PCM1: variants seen among roughly 807,000 people sequenced by gnomAD.
The protein encoded by PCM1 is pericentriolar material 1, also known as pericentriolar material 1 protein.
Under a neutral mutation model 241.9 loss-of-function variants are expected in PCM1, and 157 were observed. The observed-to-expected ratio is 0.65, with a 90% CI of 0.57 to 0.74. The LOEUF is 0.74. Among genes scored for constraint, PCM1 ranks in the 30% least tolerant of loss-of-function variants. The pLI, the probability that PCM1 is intolerant of heterozygous loss-of-function variation, is 0.00. For synonymous variants in PCM1, 1,085 were observed against 784.9 expected (o/e 1.38, Z -6.39); for missense variants, 3,478 against 2,360.1 (o/e 1.47, Z -9.81).
chr8:17,999,962 G>A (rs1203370141), intron 29 of PCM1, among the ~76,000 whole-genome samples: 2 of 152,138 alleles, frequency 1.3e-5, no homozygotes, highest in Non-Finnish European at 2.9e-5. Context: ...ATGCTAGAGT[G>A]GGAATACACT....
At position 17,972,409 on chromosome 8, in the gene PCM1, C is replaced by T. The variant is rs781532486; in HGVS notation, c.3665C>T (p.Pro1222Leu). ...LYEQEGEVEK[P>L]FIKTGFSVSV... ...GAACAAGAAGGTGAAGTAGAGAAAC[C>T]ATTTATCAAGACTGGATTTTCAGTG... The change falls in exon 23 of 39, where the codon CCA (proline) becomes CTA (leucine). Residue 1222 changes from proline to leucine, a missense_variant. Physicochemically the swap from Pro to Leu is moderately conservative, Grantham distance 98 (BLOSUM62 -3). Transcript: ENST00000325083. 1 of 1,609,956 alleles carries T rather than the reference C, an allele frequency of 6.2e-7. No individual in the cohort carries two copies. Among genetic ancestry groups the T allele is most frequent in the Non-Finnish European group, 8.5e-7 (1 of 1,177,572 alleles).
At chr8:18,023,480 T>A (rs2093923543) in intron 36 of PCM1, among the ~76,000 whole-genome samples, 1 of 152,202 alleles carries the variant, frequency 6.6e-6, no homozygotes, top group African/African-American at 2.4e-5. Context: ...AGCAATACAA[T>A]CTGAGATGAG....
intron 23 of PCM1, among the ~76,000 whole-genome samples, chr8:17,976,302 G>A (rs796722761): frequency 1.1e-4 from 17 of 152,344 alleles, no homozygotes; most frequent in African/African-American, 4.1e-4. Context: ...AATAAAAGGG[G>A]CTAGCTAACG....
chr8:17,953,243 C>T, intron 9 of PCM1, 57 bp downstream of exon 9: 1 of 800,850 alleles, frequency 1.2e-6, no homozygotes, highest in Middle Eastern at 2.6e-4. Context: ...TATATACTGT[C>T]ACATAATAAA....
intron 30 of PCM1, among the ~76,000 whole-genome samples, chr8:18,007,384 T>G (rs960775658): frequency 1.3e-5 from 2 of 152,232 alleles, no homozygotes; most frequent in African/African-American, 4.8e-5. Context: ...CTGGCCCCGT[T>G]AGCAGTTATT....
intron 36 of PCM1, among the ~76,000 whole-genome samples, chr8:18,023,664 G>T (rs2093939268): frequency 6.6e-6 from 1 of 152,186 alleles, no homozygotes; most frequent in Admixed American, 6.5e-5. Flanking sequence ...GATTTATTCA[G>T]TTGGTTAAAT....
chr8:18,023,576 T>C (rs139527649), intron 36 of PCM1, among the ~76,000 whole-genome samples: 1 of 152,244 alleles, frequency 6.6e-6, no homozygotes, highest in Non-Finnish European at 1.5e-5. Flanking sequence ...TTATGTTAAT[T>C]AGATATTGTT....
At chr8:17,936,105 C>T (rs565237033) in intron 3 of PCM1, among the ~76,000 whole-genome samples, 2 of 152,296 alleles carry the variant, frequency 1.3e-5, no homozygotes, top group South Asian at 4.1e-4. Flanking sequence ...ATGTGATATA[C>T]TGTGGCTGTC....
chr8:18,017,782 G>T (rs1288355815), intron 36 of PCM1, among the ~76,000 whole-genome samples: 1 of 152,204 alleles, frequency 6.6e-6, no homozygotes, highest in East Asian at 1.9e-4. Flanking sequence ...GAACCCAGTG[G>T]GTGGAGGTTG....
At position 18,014,056 on chromosome 8, in the gene PCM1, C is replaced by T. The variant is rs527266076; in HGVS notation, c.5584+20C>T. ...GTAAAAGTAAGAAATCTAAATAAGTCTTTGATTTTAAGATAATTTCCTTTA... is the reference window on the plus strand; with the variant it reads ...GTAAAAGTAAGAAATCTAAATAAGTTTTTGATTTTAAGATAATTTCCTTTA... On this transcript the variant is annotated intron_variant, in intron 35 of 38. Coordinates refer to ENST00000325083, the MANE Select transcript of PCM1 (RefSeq NM_006197.4). The T allele has an allele frequency of 2.4e-6, 3 of 1,259,840 alleles. No homozygotes were observed. In the African/African-American group the frequency reaches 4.8e-5, roughly 20 times the overall value. 78.0% of individuals were successfully genotyped at this position (1,259,840 alleles called of 1,614,324 possible).
At chr8:17,954,459 C>CT (rs2067280058) in intron 9 of PCM1, among the ~76,000 whole-genome samples, 1 of 151,058 alleles carries the variant, frequency 6.6e-6, no homozygotes, top group African/African-American at 2.4e-5. Context: ...AAAAAAACAA[C>CT]TTAACATGTG....
intron 21 of PCM1, among the ~76,000 whole-genome samples, chr8:17,968,138 T>A (rs2075599650): frequency 1.3e-5 from 2 of 152,118 alleles, no homozygotes; most frequent in East Asian, 3.9e-4. Context: ...AAGGGCTTTC[T>A]AATAGAACCA....
intron 23 of PCM1, among the ~76,000 whole-genome samples, chr8:17,974,874 CA>C (rs1225788953): frequency 1.3e-5 from 2 of 151,950 alleles, no homozygotes; most frequent in Non-Finnish European, 2.9e-5. Context: ...CACACACACA[CA>C]CACACACACA....
chr8:18,007,932 G>T (rs940040262), intron 30 of PCM1, among the ~76,000 whole-genome samples: 10 of 152,070 alleles, frequency 6.6e-5, no homozygotes, highest in African/African-American at 2.4e-4. Flanking sequence ...AAAGAGGAGT[G>T]GTTTTACTAA....
intron 25 of PCM1, 75 bp downstream of exon 25, chr8:17,985,694 A>G: frequency 8.6e-7 from 1 of 1,161,468 alleles, no homozygotes. Flanking sequence ...GCTGTCTTAG[A>G]CTGAAGCATG....
chr8:18,029,156 CAAAAA>C lies in PCM1; in HGVS notation c.*1516_*1520del, dbSNP rs11333913. 1.9e-3 allele frequency: 106 copies of C among 56,376 alleles called. No homozygotes were observed. Among genetic ancestry groups the C allele is most frequent in the South Asian group, 0.014 (16 of 1,130 alleles). The allele number at this position is 56,376 out of a possible 1,614,324, so 3.5% of individuals were successfully genotyped here. A position where few individuals can be genotyped will look rare whatever the true frequency, so the allele number is the denominator to read the frequency against. Reference sequence around the variant, plus strand: ...CTGGCAACAGAGCGAGACTCTGTCTCAAAAAAAAAAAAAAAAAAAAAAAAAAGTTA... The same window carrying C: ...CTGGCAACAGAGCGAGACTCTGTCTCAAAAAAAAAAAAAAAAAAAAAGTTA... On this transcript the variant is annotated 3_prime_UTR_variant, in exon 39 of 39. Coordinates refer to ENST00000325083, the MANE Select transcript of PCM1 (RefSeq NM_006197.4).
rs1315219923 is a variant in PCM1, at chr8:18,029,682, A to G, written c.*2020A>G. On this transcript the variant is annotated 3_prime_UTR_variant, in exon 39 of 39. Transcript: ENST00000325083. Reference sequence around the variant, plus strand: ...ATACGTAGGGTTTGAGAGCAGATATATTTATTTAATCTGTTTTCTCTAGTA... The same window carrying G: ...ATACGTAGGGTTTGAGAGCAGATATGTTTATTTAATCTGTTTTCTCTAGTA... 3.0e-5 allele frequency: 6 copies of G among 198,628 alleles called. No individual in the cohort carries two copies. Among genetic ancestry groups the G allele is most frequent in the South Asian group, 1.9e-4 (1 of 5,244 alleles). The allele number at this position is 198,628 out of a possible 1,614,324, so 12.3% of individuals were successfully genotyped here.
intron 26 of PCM1, among the ~76,000 whole-genome samples, chr8:17,989,419 A>G (rs1210310672): frequency 7.9e-5 from 12 of 151,860 alleles, no homozygotes; most frequent in Non-Finnish European, 1.8e-4. Context: ...ATTGTATATT[A>G]ATTATATTTC....
rs1469828767 is a variant in PCM1, at chr8:18,029,519, T to A, written c.*1857T>A. The stretch of plus-strand genomic sequence containing the variant: ...CTCTCTGTCTGCATGCATATTAAAG[T>A]GGAAAAATTGTATTTATATCTTAGT... On this transcript the variant is annotated 3_prime_UTR_variant, in exon 39 of 39. Transcript: ENST00000325083. 4.7e-6 allele frequency: 1 copy of A among 213,154 alleles called. No individual in the cohort carries two copies. The highest frequency in any genetic ancestry group is 2.3e-5 in the African/African-American group (1 of 44,246). The allele number at this position is 213,154 out of a possible 1,614,324, so 13.2% of individuals were successfully genotyped here.
Sources: allele counts gnomAD v4.1 joint callset (sites outside exome capture counted in the v4.1 genomes callset), GRCh38; gene constraint gnomAD v4.1.1; transcripts MANE v1.5; gene names NCBI Gene and HGNC (gene_info 2026-07-23, HGNC 2026-07-21).